The following KLF8 variants were observed in gnomAD, a reference collection of about 807,000 sequenced individuals.
KLF8 encodes KLF transcription factor 8, also known as Krueppel-like factor 8.
In KLF8, 10 loss-of-function variants were observed where a neutral mutation model predicts 18.2. The ratio of observed to expected loss-of-function variants is 0.55; its 90% CI spans 0.34 to 0.93. The LOEUF is 0.93. KLF8 is among the 40% of genes least tolerant of loss of function. The pLI, the probability that KLF8 is intolerant of heterozygous loss-of-function variation, is 0.02. For missense variants in KLF8, 264 were observed against 277.9 expected, an observed-to-expected ratio of 0.95 and a Z score of 0.36; for synonymous variants, 109 against 97.3, an observed-to-expected ratio of 1.12 and a Z score of -0.71.
chrX:55,910,989 C>T, the KLF8 span, among the ~76,000 whole-genome samples: 3 of 111,713 alleles, frequency 2.7e-5, no homozygotes, highest in Non-Finnish European at 5.6e-5. Flanking sequence ...ACTTCTGATT[C>T]CCCAAAACTT....
At chrX:56,048,606 T>C in the KLF8 span, among the ~76,000 whole-genome samples, 6 of 111,913 alleles carry the variant, frequency 5.4e-5, no homozygotes, top group Non-Finnish European at 1.1e-4. Context: ...ATGAGGGTTC[T>C]GTTCTGTTCC....
chrX:55,909,865 C>T, the KLF8 span, among the ~76,000 whole-genome samples: 1 of 112,209 alleles, frequency 8.9e-6, no homozygotes. Flanking sequence ...CTCCCTTCCA[C>T]TGTTAAAGAA....
the KLF8 span, among the ~76,000 whole-genome samples, chrX:56,219,092 A>G: frequency 8.9e-6 from 1 of 112,438 alleles, no homozygotes; most frequent in African/African-American, 3.2e-5. Context: ...ATAAATATAA[A>G]TGTCATAATG....
Position 56,239,274 on chromosome X carries a change from A to G in KLF8, c.7+5933A>G, listed in dbSNP as rs1265481796. 2.7e-5 allele frequency among the ~76,000 whole-genome samples: 3 copies of G among 112,323 alleles called. No homozygotes were observed. In the Admixed American group the frequency reaches 2.8e-4, roughly 11 times the overall value. On this transcript the variant is annotated intron_variant, in intron 1 of 5. Transcript: ENST00000468660. ...AATGAGAAAAGCATGCCCTGTCTAA[A>G]GGGGACAGCTGTTGATCATCTCCAG...
the KLF8 span, among the ~76,000 whole-genome samples, chrX:56,041,469 C>CT: frequency 1.3e-5 from 1 of 74,869 alleles, no homozygotes; most frequent in Non-Finnish European, 2.7e-5. Context: ...AGCTAGCAGT[C>CT]TATCTATTTT....
At chrX:56,104,076 T>G in the KLF8 span, among the ~76,000 whole-genome samples, 3 of 112,007 alleles carry the variant, frequency 2.7e-5, no homozygotes, top group African/African-American at 9.7e-5. Flanking sequence ...TTGATCATAG[T>G]GGATAAGCTT....
At chrX:56,199,472 A>G in the KLF8 span, among the ~76,000 whole-genome samples, 7 of 112,394 alleles carry the variant, frequency 6.2e-5, no homozygotes, top group African/African-American at 2.3e-4. Context: ...TATGCAGCCT[A>G]CAGACACATG....
the KLF8 span, among the ~76,000 whole-genome samples, chrX:55,990,784 G>C: frequency 8.9e-6 from 1 of 112,222 alleles, no homozygotes; most frequent in Non-Finnish European, 1.9e-5. Flanking sequence ...CTCTTTGCCT[G>C]GGTATCAGCA....
the KLF8 span, among the ~76,000 whole-genome samples, chrX:56,030,738 G>A: frequency 9.3e-6 from 1 of 107,468 alleles, no homozygotes; most frequent in Non-Finnish European, 1.9e-5. Flanking sequence ...GGGCCTCTCT[G>A]CTTGGTAAGG....
At chrX:56,081,698 T>C in the KLF8 span, among the ~76,000 whole-genome samples, 1 of 112,075 alleles carries the variant, frequency 8.9e-6, no homozygotes, top group Non-Finnish European at 1.9e-5. Flanking sequence ...GTATGTTAGA[T>C]TTTGTCAGAT....
chrX:56,002,820 T>G, the KLF8 span, among the ~76,000 whole-genome samples: 1 of 112,028 alleles, frequency 8.9e-6, no homozygotes, highest in African/African-American at 3.2e-5. Flanking sequence ...AAGCTTTATT[T>G]TCAGGTATCT....
chrX:56,213,485 C>A, the KLF8 span, among the ~76,000 whole-genome samples: 1 of 107,316 alleles, frequency 9.3e-6, no homozygotes, highest in Non-Finnish European at 1.9e-5. Flanking sequence ...CCACGTCTGA[C>A]TAATTTTTTG....
chrX:56,208,160 G>A, the KLF8 span, among the ~76,000 whole-genome samples: 1 of 111,623 alleles, frequency 9.0e-6, no homozygotes, highest in African/African-American at 3.3e-5. Context: ...TGAGATTTGA[G>A]TGAAGACACA....
chrX:56,182,546 C>T, the KLF8 span, among the ~76,000 whole-genome samples: 1 of 112,433 alleles, frequency 8.9e-6, no homozygotes, highest in African/African-American at 3.2e-5. Flanking sequence ...AAGAGGTGCT[C>T]TGATTTTTGG....
chrX:56,157,915 T>G, the KLF8 span, among the ~76,000 whole-genome samples: 12 of 112,013 alleles, frequency 1.1e-4, no homozygotes, highest in Non-Finnish European at 1.7e-4. Flanking sequence ...TTTGTCAATT[T>G]TGTCTTTTGT....
chrX:56,183,576 T>A, the KLF8 span, among the ~76,000 whole-genome samples: 1 of 111,285 alleles, frequency 9.0e-6, no homozygotes, highest in Admixed American at 9.6e-5. Flanking sequence ...GTGTAGCTGT[T>A]CCTATTCAGC....
chrX:56,218,584 T>A, the KLF8 span, among the ~76,000 whole-genome samples: 2 of 112,201 alleles, frequency 1.8e-5, no homozygotes, highest in Non-Finnish European at 3.8e-5. Flanking sequence ...AGTGATATAG[T>A]CAAACTTAGA....
chrX:56,080,603 C>T, the KLF8 span, among the ~76,000 whole-genome samples: 75 of 110,968 alleles, frequency 6.8e-4, no homozygotes, highest in Non-Finnish European at 9.8e-4. Context: ...ATTTCAACTT[C>T]GGTGAATCTG....
chrX:55,932,622 T>C, the KLF8 span, among the ~76,000 whole-genome samples: 1 of 111,719 alleles, frequency 9.0e-6, no homozygotes, highest in Non-Finnish European at 1.9e-5. Context: ...CTCCTTCACT[T>C]ATGAAGCTCA....
Sources: allele counts gnomAD v4.1 joint callset (sites outside exome capture counted in the v4.1 genomes callset), GRCh38; gene constraint gnomAD v4.1.1; transcripts MANE v1.5; gene names NCBI Gene and HGNC (gene_info 2026-07-23, HGNC 2026-07-21).